EFHC2: variants seen among roughly 807,000 people sequenced by gnomAD.
The protein encoded by EFHC2 is EF-hand domain containing 2.
In EFHC2, 18 loss-of-function variants were observed where a neutral mutation model predicts 52.7. The ratio of observed to expected loss-of-function variants is 0.34; its 90% confidence interval spans 0.24 to 0.51. The LOEUF (loss-of-function observed/expected upper bound fraction) is 0.51, where lower values mean the gene tolerates loss of function less well. Ranked by LOEUF, EFHC2 falls within the 20% of genes least tolerant of loss-of-function variation. The pLI, the probability that EFHC2 is intolerant of heterozygous loss-of-function variation, is 0.97. For missense variants in EFHC2, 513 were observed against 562.5 expected (o/e 0.91, Z 0.89); for synonymous variants, 203 against 204.1 (o/e 0.99, Z 0.04).
intron 10 of EFHC2, among the ~76,000 whole-genome samples, chrX:44,231,585 C>T (rs1417947466): frequency 1.8e-5 from 2 of 109,403 alleles, no homozygotes; most frequent in Non-Finnish European, 3.8e-5. Flanking sequence ...ATCTCTCACA[C>T]TTCTCATTCT....
At chrX:44,179,347 G>C (rs2036815920) in intron 11 of EFHC2, among the ~76,000 whole-genome samples, 1 of 112,040 alleles carries the variant, frequency 8.9e-6, no homozygotes, top group Non-Finnish European at 1.9e-5. Context: ...ACAGGAATAA[G>C]CTTCCACTGT....
chrX:44,149,034 T>G, intron 14 of EFHC2, 138 bp from the exon 15 acceptor site: 1 of 484,049 alleles, frequency 2.1e-6, no homozygotes, highest in Non-Finnish European at 3.5e-6. Context: ...GTCTACTGGA[T>G]ACTTGTTCTT....
intron 14 of EFHC2, among the ~76,000 whole-genome samples, chrX:44,152,667 G>A (rs147389834): frequency 0.01 from 1,130 of 107,804 alleles, 18 homozygotes; most frequent in African/African-American, 0.034. Context: ...CATGGAACTT[G>A]GTAAAACAAA....
At chrX:44,294,022 T>C (rs948151811) in intron 2 of EFHC2, among the ~76,000 whole-genome samples, 4 of 112,194 alleles carry the variant, frequency 3.6e-5, no homozygotes, top group Non-Finnish European at 7.5e-5. Flanking sequence ...TGTGCCATTT[T>C]ATTACACTTT....
intron 1 of EFHC2, among the ~76,000 whole-genome samples, chrX:44,314,368 G>A (rs2037970183): frequency 8.9e-6 from 1 of 112,145 alleles, no homozygotes. Context: ...AGTCTGATAA[G>A]GTCAAAAATA....
chrX:44,168,544 A>T (rs1186045499), intron 13 of EFHC2, among the ~76,000 whole-genome samples: 1 of 110,438 alleles, frequency 9.1e-6, no homozygotes, highest in African/African-American at 3.3e-5. Context: ...AAGAAAAAAA[A>T]AAAAAAGAAA....
chrX:44,318,999 A>G (rs746439183), intron 1 of EFHC2, among the ~76,000 whole-genome samples: 23 of 103,603 alleles, frequency 2.2e-4, no homozygotes, highest in African/African-American at 8.2e-4. Context: ...TGAAGGCAAA[A>G]GACTTTTTTT....
intron 11 of EFHC2, among the ~76,000 whole-genome samples, chrX:44,222,425 A>G (rs2037200985): frequency 8.9e-6 from 1 of 112,181 alleles, no homozygotes; most frequent in Non-Finnish European, 1.9e-5. Context: ...TAAAAACATT[A>G]AACAAAAGCC....
chrX:44,286,884 G>A (rs1157554730), intron 2 of EFHC2, among the ~76,000 whole-genome samples: 8 of 104,945 alleles, frequency 7.6e-5, no homozygotes, highest in African/African-American at 1.0e-4. Flanking sequence ...ACAACAGCCG[G>A]GTGTGGTGGC....
At chrX:44,261,486 G>C (rs1168129377) in intron 3 of EFHC2, among the ~76,000 whole-genome samples, 188 bp from the exon 4 acceptor site, 1 of 111,230 alleles carries the variant, frequency 9.0e-6, no homozygotes, top group Non-Finnish European at 1.9e-5. Context: ...CTGAGGTTCA[G>C]AGCTCTGTGG....
rs2038017406 is a variant in EFHC2 at position 44,321,142 on chromosome X, C to G, written c.43-8386G>C. On this transcript the variant is annotated intron_variant, in intron 1 of 14. Transcript: ENST00000420999. ...TTGAAGGTAGAACAAAAAGGATTTA[C>G]CAATAGATTAGATGTAGGGTGTGGA... 5.4e-5 allele frequency among the ~76,000 whole-genome samples: 6 copies of G among 111,401 alleles called. No homozygotes were observed. In the South Asian group the frequency reaches 1.9e-3, roughly 35 times the overall value.
At chrX:44,242,075 A>G in intron 8 of EFHC2, 46 bp downstream of exon 8, 1 of 1,129,985 alleles carries the variant, frequency 8.8e-7, no homozygotes, top group South Asian at 2.2e-5. Flanking sequence ...TAAACCCCAA[A>G]CACATTTGGG....
chrX:44,204,234 C>CAA (rs61512189), intron 11 of EFHC2, among the ~76,000 whole-genome samples: 14,218 of 55,215 alleles, frequency 0.26, 1,437 homozygotes, highest in Non-Finnish European at 0.31. Flanking sequence ...GTAGCAAACC[C>CAA]AAAAAAAAAA....
chrX:44,220,546 T>C (rs2037185505), intron 11 of EFHC2, among the ~76,000 whole-genome samples: 2 of 111,444 alleles, frequency 1.8e-5, no homozygotes, highest in Non-Finnish European at 3.8e-5. Flanking sequence ...CAGCAAACAA[T>C]AAACCTTGGT....
At chrX:44,311,923 G>C (rs920878074) in intron 2 of EFHC2, among the ~76,000 whole-genome samples, 1 of 112,122 alleles carries the variant, frequency 8.9e-6, no homozygotes, top group Admixed American at 9.5e-5. Flanking sequence ...ACAATCTGAC[G>C]AGACTCTTAG....
At chrX:44,171,885 G>C (rs2036748461) in intron 13 of EFHC2, among the ~76,000 whole-genome samples, 1 of 111,266 alleles carries the variant, frequency 9.0e-6, no homozygotes, top group African/African-American at 3.3e-5. Flanking sequence ...GAGACAGAGA[G>C]ACAGAGAGAA....
chrX:44,148,758 G>A lies in EFHC2; in HGVS notation c.*37C>T. 1 of 1,065,123 alleles carries A rather than the reference G, an allele frequency of 9.4e-7. No individual in the cohort carries two copies. Among genetic ancestry groups the A allele is most frequent in the Non-Finnish European group, 1.3e-6 (1 of 792,001 alleles). 87.8% of individuals were successfully genotyped at this position (1,065,123 alleles called of 1,213,427 possible). ...CTAAAGTAAATGTGGCAAAATGAGA[G>A]AAGTAAATCATAGAGAATTGACCAA... On this transcript the variant is annotated 3_prime_UTR_variant, in exon 15 of 15. Transcript: ENST00000420999.
At chrX:44,339,798 T>C (rs1457904598) in intron 1 of EFHC2, among the ~76,000 whole-genome samples, 1 of 111,714 alleles carries the variant, frequency 9.0e-6, no homozygotes, top group Non-Finnish European at 1.9e-5. Flanking sequence ...GATATGGCTT[T>C]ACTGACTTTC....
At chrX:44,197,233 A>G (rs1333757565) in intron 11 of EFHC2, among the ~76,000 whole-genome samples, 1 of 112,049 alleles carries the variant, frequency 8.9e-6, no homozygotes, top group Non-Finnish European at 1.9e-5. Flanking sequence ...CCCTGTCAAT[A>G]TGATCCTATT....
Sources: gnomAD v4.1 joint callset for allele counts (sites outside exome capture counted in the v4.1 genomes callset) on GRCh38, gnomAD v4.1.1 for gene constraint, MANE v1.5 for transcripts, NCBI Gene and HGNC (gene_info 2026-07-23, HGNC 2026-07-21) for gene names.